Variants in RBFOX1 observed in about 807,000 individuals in gnomAD.
RBFOX1 encodes RNA binding protein fox-1 homolog 1.
A neutral mutation model predicts 57.7 loss-of-function variants in RBFOX1; 8 were observed. That is an observed-to-expected ratio of 0.14 (90% CI 0.08 to 0.25). RBFOX1 has a LOEUF of 0.25. Ranked by LOEUF, RBFOX1 falls within the 10% of genes least tolerant of loss-of-function variation. The pLI, the probability that RBFOX1 is intolerant of heterozygous loss-of-function variation, is 1.00. For synonymous variants in RBFOX1, 326 were observed against 222.4 expected, an observed-to-expected ratio of 1.47 and a Z score of -4.15; for missense variants, 611 against 548.5, an observed-to-expected ratio of 1.11 and a Z score of -1.14.
At chr16:7,619,383 G>A (rs1402844404) in intron 10 of RBFOX1, among the ~76,000 whole-genome samples, 1 of 152,144 alleles carries the variant, frequency 6.6e-6, no homozygotes, top group Non-Finnish European at 1.5e-5. Context: ...GTGTGTGCGA[G>A]TATGTGTGTG....
intron 1 of RBFOX1, among the ~76,000 whole-genome samples, chr16:6,101,553 C>G (rs2096308703): frequency 6.6e-6 from 1 of 152,054 alleles, no homozygotes. Context: ...ATGATGTGAT[C>G]TTGGCACACT....
chr16:6,085,472 T>C (rs2096070276), intron 1 of RBFOX1, among the ~76,000 whole-genome samples: 1 of 152,158 alleles, frequency 6.6e-6, no homozygotes, highest in Admixed American at 6.5e-5. Context: ...GGTTTCACCA[T>C]GTTGATCTGG....
At chr16:7,669,521 C>T (rs1000988527) in intron 13 of RBFOX1, among the ~76,000 whole-genome samples, 1 of 152,108 alleles carries the variant, frequency 6.6e-6, no homozygotes, top group Non-Finnish European at 1.5e-5. Context: ...TAAGAACATC[C>T]TAAGCGTCCT....
At chr16:5,515,685 C>A (rs1364975024) in intron 2 of RBFOX1, among the ~76,000 whole-genome samples, 1 of 152,114 alleles carries the variant, frequency 6.6e-6, no homozygotes. Flanking sequence ...CATTAAAAAC[C>A]AATATCCAAT....
In RBFOX1 at chr16:6,020,162, G is replaced by C. The variant is rs1014972789; in HGVS notation, c.-127+170G>C. Among the ~76,000 whole-genome samples, 8 of 152,104 alleles carry C rather than the reference G, an allele frequency of 5.3e-5. No individual in the cohort carries two copies. In the East Asian group the frequency reaches 1.6e-3, roughly 30 times the overall value. On this transcript the variant is annotated intron_variant, in intron 1 of 15. Coordinates refer to ENST00000550418, the MANE Select transcript of RBFOX1 (RefSeq NM_018723.4). Reference sequence around the variant, plus strand: ...AGGGTGTGTGGAAAGATCTCGAGGCGTGTCCCCCCCTACCCCCAGGAGGCC... The same window carrying C: ...AGGGTGTGTGGAAAGATCTCGAGGCCTGTCCCCCCCTACCCCCAGGAGGCC...
intron 1 of RBFOX1, among the ~76,000 whole-genome samples, chr16:5,251,080 G>A (rs1287659998): frequency 6.6e-6 from 1 of 151,984 alleles, no homozygotes; most frequent in African/African-American, 2.4e-5. Context: ...CCTGGGGTGG[G>A]GGGGTCCCAG....
intron 4 of RBFOX1, among the ~76,000 whole-genome samples, chr16:5,904,955 C>T (rs559248833): frequency 4.5e-5 from 5 of 112,102 alleles, no homozygotes; most frequent in Middle Eastern, 8.1e-3. Flanking sequence ...CCAGCCTGGG[C>T]GACAGAGCAA....
At chr16:5,953,222 G>T (rs1256913728) in intron 4 of RBFOX1, among the ~76,000 whole-genome samples, 1 of 152,160 alleles carries the variant, frequency 6.6e-6, no homozygotes, top group African/African-American at 2.4e-5. Context: ...GAATGATTTT[G>T]CCCCTCAGAT....
chr16:6,226,202 A>T (rs2097416186), intron 1 of RBFOX1, among the ~76,000 whole-genome samples: 1 of 84,668 alleles, frequency 1.2e-5, no homozygotes, highest in African/African-American at 3.5e-5. Context: ...TACTAAAAAT[A>T]CAAAAAAAAA....
chr16:6,935,890 G>A (rs911383876), intron 3 of RBFOX1, among the ~76,000 whole-genome samples: 5 of 152,136 alleles, frequency 3.3e-5, no homozygotes, highest in East Asian at 1.9e-4. Context: ...CCTGCACATC[G>A]GTTGCTAATG....
At chr16:6,409,558 C>T (rs1300131312) in intron 2 of RBFOX1, among the ~76,000 whole-genome samples, 2 of 152,222 alleles carry the variant, frequency 1.3e-5, no homozygotes, top group East Asian at 1.9e-4. Flanking sequence ...AATATACCTC[C>T]ATGAAAAGTT....
intron 4 of RBFOX1, among the ~76,000 whole-genome samples, chr16:7,113,674 G>C (rs1377348582): frequency 6.6e-6 from 1 of 152,210 alleles, no homozygotes; most frequent in Non-Finnish European, 1.5e-5. Flanking sequence ...AACACATCTT[G>C]GAGATTGTTG....
At chr16:5,444,756 C>G (rs1449618463) in intron 1 of RBFOX1, among the ~76,000 whole-genome samples, 1 of 152,218 alleles carries the variant, frequency 6.6e-6, no homozygotes, top group Admixed American at 6.5e-5. Context: ...GTGTGCCAGG[C>G]ACTGTATTCA....
intron 4 of RBFOX1, among the ~76,000 whole-genome samples, chr16:7,264,313 C>G (rs1199069882): frequency 3.3e-5 from 5 of 152,146 alleles, no homozygotes; most frequent in Non-Finnish European, 5.9e-5. Context: ...AAAGCAAAAA[C>G]AAATGAGCAG....
intron 2 of RBFOX1, among the ~76,000 whole-genome samples, chr16:5,522,873 A>G (rs185267962): frequency 7.2e-5 from 11 of 152,356 alleles, no homozygotes; most frequent in Non-Finnish European, 1.5e-5. Flanking sequence ...ACAGGATTCC[A>G]TTCTTTTTTT....
intron 2 of RBFOX1, among the ~76,000 whole-genome samples, chr16:6,467,358 T>G (rs2095073262): frequency 6.6e-6 from 1 of 152,072 alleles, no homozygotes; most frequent in Non-Finnish European, 1.5e-5. Flanking sequence ...AGGACCTTAG[T>G]TTACATTAAA....
At position 6,677,252 on chromosome 16, in the gene RBFOX1, A is replaced by G. The variant is rs141028804; in HGVS notation, c.-16+22602A>G. On this transcript the variant is annotated intron_variant, in intron 3 of 15. Transcript: ENST00000550418. Reference sequence around the variant, plus strand: ...TTTCCGTGCTCTAGAGACCATAGATAATTTAGCTCCTGTTAGAAGGCACAG... The same window carrying G: ...TTTCCGTGCTCTAGAGACCATAGATGATTTAGCTCCTGTTAGAAGGCACAG... 9.5e-3 allele frequency among the ~76,000 whole-genome samples: 1,450 copies of G among 152,308 alleles called. 9 individuals are homozygous for G. The highest frequency in any genetic ancestry group is 0.015 in the Non-Finnish European group (1,003 of 68,030).
intron 5 of RBFOX1, among the ~76,000 whole-genome samples, chr16:7,555,853 C>A (rs1325441338): frequency 1.1e-4 from 16 of 152,150 alleles, no homozygotes; most frequent in Admixed American, 1.0e-3. Flanking sequence ...CAGTATTTAT[C>A]TCATGGTGCC....
chr16:5,383,129 C>T (rs1374258698), intron 1 of RBFOX1, among the ~76,000 whole-genome samples: 2 of 152,208 alleles, frequency 1.3e-5, no homozygotes, highest in East Asian at 3.8e-4. Flanking sequence ...TTTCACACTC[C>T]AACTGTTGAG....
Sources: allele counts gnomAD v4.1 joint callset (sites outside exome capture counted in the v4.1 genomes callset), GRCh38; gene constraint gnomAD v4.1.1; transcripts MANE v1.5; gene names NCBI Gene and HGNC (gene_info 2026-07-23, HGNC 2026-07-21).